Variants in GLOD5 observed in about 807,000 individuals in gnomAD.
GLOD5 encodes the protein glyoxalase domain containing 5, also known as glyoxalase domain-containing protein 5.
GLOD5 carries 7 observed loss-of-function variants against 9.9 expected under a neutral mutation model. The observed-to-expected ratio is 0.71, with a 90% CI of 0.40 to 1.33. GLOD5 has a LOEUF of 1.33. GLOD5 is among the 40% of genes most tolerant of loss of function. The probability of loss-of-function intolerance (pLI) is 0.01; values close to 1 mark genes in which losing one functional copy is unlikely to be tolerated. For synonymous variants in GLOD5, 49 were observed against 47.3 expected (o/e 1.04, Z -0.14); for missense variants, 146 against 128.4 (o/e 1.14, Z -0.66).
rs1557017696 is a variant in GLOD5, at chrX:48,773,391, C to A, written c.439C>A (p.Pro147Thr). ...TATCATGTCCATCTACTTCCGAGAC[C>A]CCGACAGAAATCTGATTGAGGTGTC... ...GPIMSIYFRD[P>T]DRNLIEVSNY... Residue 147 changes from proline (P) to threonine (T), a missense_variant, in exon 4 of 4, where the codon CCC becomes ACC. By Grantham distance (38) the Pro-to-Thr change is conservative. Coordinates refer to ENST00000303227, the MANE Select transcript of GLOD5 (RefSeq NM_001080489.3). 4.1e-6 allele frequency: 5 copies of A among 1,209,952 alleles called. No individual in the cohort carries two copies. Among genetic ancestry groups the A allele is most frequent in the Non-Finnish European group, 5.6e-6 (5 of 894,465 alleles).
intron 2 of GLOD5, among the ~76,000 whole-genome samples, chrX:48,769,876 G>A (rs967972385): frequency 3.7e-5 from 4 of 106,847 alleles, no homozygotes; most frequent in Non-Finnish European, 7.7e-5. Context: ...GCTACTCAGA[G>A]GCTGAGGTTG....
chrX:48,771,787 G>A (rs1557017433), intron 3 of GLOD5, among the ~76,000 whole-genome samples: 1 of 112,038 alleles, frequency 8.9e-6, no homozygotes, highest in Non-Finnish European at 1.9e-5. Context: ...CATTACAAAG[G>A]GAGATATGGC....
At chrX:48,765,556 C>G (rs1356865312) in intron 1 of GLOD5, 1 of 287,964 alleles carries the variant, frequency 3.5e-6, no homozygotes, top group East Asian at 8.5e-5. Context: ...CCAGCCTGGG[C>G]AACAGAGTGA....
intron 2 of GLOD5, 132 bp downstream of exon 2, chrX:48,766,104 T>G: frequency 1.3e-4 from 67 of 520,148 alleles, no homozygotes; most frequent in Non-Finnish European, 1.6e-4. Context: ...ATAGAGGAGA[T>G]TCCAAACTGA....
chrX:48,767,757 A>G (rs1228338555), intron 2 of GLOD5, among the ~76,000 whole-genome samples: 1 of 111,488 alleles, frequency 9.0e-6, no homozygotes, highest in Non-Finnish European at 1.9e-5. Flanking sequence ...CAATCCATGA[A>G]AAGACATGGA....
At chrX:48,764,413 T>C (rs974927290) in intron 1 of GLOD5, among the ~76,000 whole-genome samples, 5 of 111,769 alleles carry the variant, frequency 4.5e-5, no homozygotes, top group African/African-American at 1.6e-4. Context: ...CATTGTTCTA[T>C]GCCCTTAAAA....
chrX:48,762,830 C>A (rs1286881536), intron 1 of GLOD5, among the ~76,000 whole-genome samples: 1 of 111,252 alleles, frequency 9.0e-6, no homozygotes, highest in African/African-American at 3.3e-5. Context: ...CCTGCCTTGC[C>A]CTCCCACTTA....
intron 2 of GLOD5, among the ~76,000 whole-genome samples, chrX:48,766,997 A>AAAAAAAAAAAAAC (rs2062611213): frequency 1.2e-5 from 1 of 80,752 alleles, no homozygotes; most frequent in African/African-American, 4.4e-5. Flanking sequence ...AAAAAAAAAA[A>AAAAAAAAAAAAAC]AAAAAAAACC....
At chrX:48,771,270 A>AAAAC (rs781919688) in intron 3 of GLOD5, among the ~76,000 whole-genome samples, 188 bp downstream of exon 3, 7 of 111,629 alleles carry the variant, frequency 6.3e-5, no homozygotes, top group East Asian at 2.8e-4. Context: ...TTCCCATTGT[A>AAAAC]AAACAAACAA....
chrX:48,762,683 C>G (rs1027304968), intron 1 of GLOD5, among the ~76,000 whole-genome samples: 1 of 111,133 alleles, frequency 9.0e-6, no homozygotes, highest in South Asian at 3.8e-4. Context: ...GTAATCCACC[C>G]ACCTTGGCCT....
intron 1 of GLOD5, among the ~76,000 whole-genome samples, chrX:48,763,445 TGAG>T (rs782208035): frequency 9.0e-6 from 1 of 111,115 alleles, no homozygotes; most frequent in South Asian, 3.8e-4. Flanking sequence ...TCTGGGAGGC[TGAG>T]GAGGGAGGAT....
intron 3 of GLOD5, among the ~76,000 whole-genome samples, chrX:48,771,333 T>TG (rs1311300979): frequency 1.8e-5 from 2 of 109,168 alleles, no homozygotes; most frequent in Admixed American, 9.9e-5. Context: ...TTTTTTTTTT[T>TG]GAGACAGAGT....
At chrX:48,769,029 CAAAA>C (rs58245912) in intron 2 of GLOD5, among the ~76,000 whole-genome samples, 1 of 48,470 alleles carries the variant, frequency 2.1e-5, no homozygotes. Context: ...GACTCTGTCT[CAAAA>C]AAAAAAAAAA....
intron 2 of GLOD5, among the ~76,000 whole-genome samples, chrX:48,768,112 C>T (rs922739109): frequency 1.6e-4 from 18 of 111,890 alleles, no homozygotes; most frequent in Non-Finnish European, 3.0e-4. Context: ...ACTGTAGGCA[C>T]GTGCCACCAC....
At position 48,770,949 on chromosome X, in the gene GLOD5, T is replaced by C. The variant is rs1557017301; in HGVS notation, c.224T>C (p.Phe75Ser). 1 of 1,196,776 alleles carries C rather than the reference T, an allele frequency of 8.4e-7. No homozygotes were observed. Among genetic ancestry groups the C allele is most frequent in the East Asian group, 3.0e-5 (1 of 33,167 alleles). The change falls in exon 3 of 4, where the codon TTT (phenylalanine) becomes TCT (serine). Residue 75 changes from phenylalanine to serine, a missense_variant. Coordinates refer to ENST00000303227, the MANE Select transcript of GLOD5 (RefSeq NM_001080489.3). ...TFKEDRKALCFGDQKFNLHEV... is the reference protein window; with the variant it reads ...TFKEDRKALCSGDQKFNLHEV... ...TAGGAAGACCGGAAAGCACTGTGTT[T>C]TGGAGACCAGAAATTTAACCTCCAC...
chrX:48,766,268 C>A (rs1602206548), intron 2 of GLOD5: 1 of 211,279 alleles, frequency 4.7e-6, no homozygotes, highest in Non-Finnish European at 8.5e-6. Context: ...AATTATAGAA[C>A]ATCAAACTGA....
chrX:48,767,892 A>C (rs781872255), intron 2 of GLOD5, among the ~76,000 whole-genome samples: 3 of 111,274 alleles, frequency 2.7e-5, no homozygotes, highest in African/African-American at 9.8e-5. Context: ...GCTCTAAAAC[A>C]ATTAAGTACA....
At chrX:48,773,200 A>G (rs1321077868) in intron 3 of GLOD5, 110 bp from the exon 4 acceptor site, 1 of 912,860 alleles carries the variant, frequency 1.1e-6, no homozygotes, top group African/African-American at 2.0e-5. Flanking sequence ...ACTGCACTCC[A>G]GCCTGGGTGA....
chrX:48,770,996 C>T lies in GLOD5; in HGVS notation c.271C>T (p.Pro91Ser). ...CCACGAGGTGGGAAAGGAATTTGAA[C>T]CCAAAGCCGCTCACCCAGTTCCTGG... The part of the protein sequence containing the change: ...NLHEVGKEFE[P>S]KAAHPVPGSL... Residue 91 changes from proline (P) to serine (S), a missense_variant, in exon 3 of 4, where the codon CCC becomes TCC. Coordinates refer to ENST00000303227, the MANE Select transcript of GLOD5 (RefSeq NM_001080489.3). 8.3e-7 allele frequency: 1 copy of T among 1,201,428 alleles called. No individual in the cohort carries two copies. Among genetic ancestry groups the T allele is most frequent in the Non-Finnish European group, 1.1e-6 (1 of 888,863 alleles).
Sources: gnomAD v4.1 joint callset for allele counts (sites outside exome capture counted in the v4.1 genomes callset) on GRCh38, gnomAD v4.1.1 for gene constraint, MANE v1.5 for transcripts, NCBI Gene and HGNC (gene_info 2026-07-23, HGNC 2026-07-21) for gene names.